Variants in CDK7 observed in about 807,000 individuals in gnomAD.
CDK7 encodes cyclin-dependent kinase 7.
In CDK7, 25 loss-of-function variants were observed where a neutral mutation model predicts 49.1. The ratio of observed to expected loss-of-function variants is 0.51; its 90% CI spans 0.37 to 0.71. CDK7 has a LOEUF of 0.71. Ranked by LOEUF, CDK7 falls within the 30% of genes least tolerant of loss-of-function variation. CDK7 has a pLI of 0.00. For synonymous variants in CDK7, 107 were observed against 140.0 expected (o/e 0.76, Z 1.67); for missense variants, 316 against 411.7 (o/e 0.77, Z 2.01).
At chr5:69,260,862 G>C (rs1750767546) in intron 7 of CDK7, among the ~76,000 whole-genome samples, 1 of 152,132 alleles carries the variant, frequency 6.6e-6, no homozygotes, top group Admixed American at 6.5e-5. Flanking sequence ...CTGTTGCCCA[G>C]GCTGAAGTGC....
intron 8 of CDK7, among the ~76,000 whole-genome samples, chr5:69,266,708 GAA>G (rs373240031): frequency 1.4e-5 from 2 of 141,376 alleles, no homozygotes. Flanking sequence ...TGGCTTCCAG[GAA>G]AAAAAAAAAA....
intron 3 of CDK7, among the ~76,000 whole-genome samples, chr5:69,252,847 G>A (rs1750240856): frequency 6.6e-6 from 1 of 152,044 alleles, no homozygotes; most frequent in South Asian, 2.1e-4. Flanking sequence ...AGCAAAGTAT[G>A]AATTAATAAG....
chr5:69,248,582 T>A (rs1386174601), intron 2 of CDK7, among the ~76,000 whole-genome samples: 2 of 151,954 alleles, frequency 1.3e-5, no homozygotes, highest in Non-Finnish European at 2.9e-5. Context: ...GAGACGGGGT[T>A]TCTCCATGTT....
chr5:69,249,056 T>C (rs1749959329), intron 2 of CDK7, among the ~76,000 whole-genome samples: 1 of 152,022 alleles, frequency 6.6e-6, no homozygotes, highest in Admixed American at 6.6e-5. Flanking sequence ...GAATTAACTT[T>C]CTTCTTTGCC....
chr5:69,256,302 T>C (rs1160686466), intron 5 of CDK7, among the ~76,000 whole-genome samples: 1 of 152,134 alleles, frequency 6.6e-6, no homozygotes, highest in Non-Finnish European at 1.5e-5. Flanking sequence ...TATTTCCATA[T>C]AATCAGAGTA....
At chr5:69,236,954 CTTTTTTTTTTTTTT>C (rs4053029) in intron 2 of CDK7, among the ~76,000 whole-genome samples, 3 of 84,266 alleles carry the variant, frequency 3.6e-5, no homozygotes, top group African/African-American at 9.1e-5. Context: ...GCCTGGCCTT[CTTTTTTTTTTTTTT>C]TTTTTTTTTT....
chr5:69,272,809 C>T, intron 9 of CDK7, 83 bp from the exon 10 acceptor site: 1 of 801,416 alleles, frequency 1.2e-6, no homozygotes, highest in Non-Finnish European at 1.8e-6. Context: ...TATAAACCAT[C>T]ATATCACCTG....
chr5:69,253,550 G>A (rs117952657), intron 3 of CDK7, among the ~76,000 whole-genome samples: 50 of 152,236 alleles, frequency 3.3e-4, no homozygotes, highest in East Asian at 1.7e-3. Context: ...ACGAGCCACC[G>A]CGCCCGGCCT....
At chr5:69,265,586 C>G (rs1751099742) in intron 8 of CDK7, among the ~76,000 whole-genome samples, 1 of 152,162 alleles carries the variant, frequency 6.6e-6, no homozygotes, top group African/African-American at 2.4e-5. Flanking sequence ...TCAGTTTGCT[C>G]TGAGGGTAAC....
Position 69,269,238 on chromosome 5 carries a change from A to T in CDK7, c.659A>T (p.Asp220Val). 1 of 1,612,208 alleles carries T rather than the reference A, an allele frequency of 6.2e-7. No homozygotes were observed. The highest frequency in any genetic ancestry group is 8.5e-7 in the Non-Finnish European group (1 of 1,179,282). ...TTTTTGCCAGGAGATTCAGACCTTG[A>T]TCAGCTAACAAGAATATTTGAAACT... ...VPFLPGDSDLDQLTRIFETLG... is the reference protein window; with the variant it reads ...VPFLPGDSDLVQLTRIFETLG... Residue 220 changes from aspartate (D) to valine (V), a missense_variant, in exon 9 of 12, where the codon GAT becomes GTT. Coordinates refer to ENST00000256443, the MANE Select transcript of CDK7 (RefSeq NM_001799.4).
intron 2 of CDK7, chr5:69,250,823 A>G (rs1750089047): frequency 2.2e-6 from 1 of 456,550 alleles, no homozygotes; most frequent in Non-Finnish European, 4.4e-6. Flanking sequence ...GTTTCACCTG[A>G]GGCCCATGGT....
intron 6 of CDK7, 44 bp downstream of exon 6, chr5:69,258,197 A>G (rs1420403175): frequency 2.4e-6 from 2 of 843,826 alleles, no homozygotes; most frequent in East Asian, 2.7e-5. Flanking sequence ...CAAGTTTTAT[A>G]TAGCCAATTT....
chr5:69,243,562 T>C (rs1270926913), intron 2 of CDK7, among the ~76,000 whole-genome samples: 2 of 152,206 alleles, frequency 1.3e-5, no homozygotes, highest in Non-Finnish European at 2.9e-5. Context: ...TGAAGTCGGG[T>C]AATGTGATTC....
Position 69,252,311 on chromosome 5 carries a change from G to GT in CDK7, c.127-98dup, listed in dbSNP as rs928068342. The stretch of plus-strand genomic sequence containing the variant: ...AGTAGGTACATATTGGTTGCTAATT[G>GT]TTTTTTTTTCTGTGGCGAAGTATTT... On this transcript the variant is annotated intron_variant, in intron 2 of 11. Transcript: ENST00000256443. 4.5e-3 allele frequency: 3,120 copies of GT among 694,640 alleles called. 1 individual carries two copies. Among genetic ancestry groups the GT allele is most frequent in the South Asian group, 5.6e-3 (324 of 57,530 alleles). 43.0% of individuals were successfully genotyped at this position (694,640 alleles called of 1,614,324 possible).
chr5:69,250,851 T>C, intron 2 of CDK7: 1 of 456,704 alleles, frequency 2.2e-6, no homozygotes, highest in Non-Finnish European at 4.4e-6. Flanking sequence ...TGGTTACCAC[T>C]GCTGATTATT....
intron 6 of CDK7, among the ~76,000 whole-genome samples, chr5:69,259,474 G>A (rs577852906): frequency 6.6e-6 from 1 of 152,214 alleles, no homozygotes; most frequent in South Asian, 2.1e-4. Context: ...CGTATATTAT[G>A]AAAGTTCATA....
At position 69,252,494 on chromosome 5, in the gene CDK7, CTTTTTTTTTTTTTTT is replaced by C. The variant is rs138764556; in HGVS notation, c.160+59_160+73del. On this transcript the variant is annotated intron_variant, in intron 3 of 11. Coordinates refer to ENST00000256443, the MANE Select transcript of CDK7 (RefSeq NM_001799.4). ...TCTGACAGATAGGAAAAGTTTTCTCCTTTTTTTTTTTTTTTTTTTTTTTTTTTTTTAAAAAGACAG... is the reference window on the plus strand; with the variant it reads ...TCTGACAGATAGGAAAAGTTTTCTCCTTTTTTTTTTTTTTTAAAAAGACAG... 426 of 364,312 alleles carry C rather than the reference CTTTTTTTTTTTTTTT, an allele frequency of 1.2e-3. 2 individuals are homozygous for C. The highest frequency in any genetic ancestry group is 0.01 in the African/African-American group (279 of 27,356). 22.6% of individuals were successfully genotyped at this position (364,312 alleles called of 1,614,324 possible).
intron 9 of CDK7, among the ~76,000 whole-genome samples, chr5:69,271,576 A>T (rs1039397532): frequency 1.4e-5 from 2 of 143,926 alleles, no homozygotes; most frequent in African/African-American, 2.6e-5. Context: ...CAATGGTGTG[A>T]TCTCAGCTCA....
chr5:69,272,748 T>C, intron 9 of CDK7, 144 bp from the exon 10 acceptor site: 1 of 444,870 alleles, frequency 2.2e-6, no homozygotes, highest in Non-Finnish European at 4.0e-6. Flanking sequence ...TTTTCAGCCT[T>C]GTCTTACTAC....
Sources: gnomAD v4.1 joint callset for allele counts (sites outside exome capture counted in the v4.1 genomes callset) on GRCh38, gnomAD v4.1.1 for gene constraint, MANE v1.5 for transcripts, NCBI Gene and HGNC (gene_info 2026-07-23, HGNC 2026-07-21) for gene names.